AFF1: variants seen among roughly 807,000 people sequenced by gnomAD.
The protein encoded by AFF1 is AF4/FMR2 family member 1.
A neutral mutation model predicts 121.7 loss-of-function variants in AFF1; 48 were observed. The observed-to-expected ratio is 0.39, with a 90% CI of 0.31 to 0.50. AFF1 has a LOEUF of 0.50. Among genes scored for constraint, AFF1 ranks in the 20% least tolerant of loss-of-function variants. The pLI, the probability that AFF1 is intolerant of heterozygous loss-of-function variation, is 0.76. For synonymous variants in AFF1, 613 were observed against 563.0 expected (o/e 1.09, Z -1.26); for missense variants, 1,523 against 1,511.7 (o/e 1.01, Z -0.12).
At chr4:86,979,846 G>T (rs572407884) in intron 2 of AFF1, among the ~76,000 whole-genome samples, 40 of 152,332 alleles carry the variant, frequency 2.6e-4, no homozygotes, top group African/African-American at 8.4e-4. Context: ...TTGACAATAT[G>T]TAGCAAAATA....
chr4:87,001,207 CTTT>C (rs34072831), intron 2 of AFF1, among the ~76,000 whole-genome samples: 36 of 60,314 alleles, frequency 6.0e-4, no homozygotes, highest in African/African-American at 1.5e-3. Flanking sequence ...CCTTTTTCTA[CTTT>C]TTTTTTTTTT....
At chr4:87,012,830 A>G (rs1484907067) in intron 2 of AFF1, among the ~76,000 whole-genome samples, 1 of 152,138 alleles carries the variant, frequency 6.6e-6, no homozygotes, top group East Asian at 1.9e-4. Context: ...GTGTCTTGGC[A>G]GTGATCAGTG....
chr4:87,022,768 G>C (rs1470009327), intron 2 of AFF1, among the ~76,000 whole-genome samples: 1 of 150,050 alleles, frequency 6.7e-6, no homozygotes, highest in Non-Finnish European at 1.5e-5. Flanking sequence ...AATATCATGT[G>C]TGTGTATATA....
intron 2 of AFF1, among the ~76,000 whole-genome samples, chr4:86,992,281 G>C (rs1217521037): frequency 6.6e-6 from 1 of 152,168 alleles, no homozygotes; most frequent in East Asian, 1.9e-4. Context: ...AGCAAGGATG[G>C]TGACATTGTA....
At chr4:87,081,035 G>C (rs141602229) in intron 4 of AFF1, among the ~76,000 whole-genome samples, 3 of 152,068 alleles carry the variant, frequency 2.0e-5, no homozygotes, top group Admixed American at 6.6e-5. Flanking sequence ...CAAAATGTAG[G>C]TGAGCAGAAG....
intron 2 of AFF1, among the ~76,000 whole-genome samples, chr4:87,017,101 GTTT>G (rs66466780): frequency 0.23 from 24,430 of 106,550 alleles, 2,142 homozygotes; most frequent in East Asian, 0.3. Flanking sequence ...ATATATATGT[GTTT>G]TTTTTTTTTT....
chr4:87,017,644 A>G lies in AFF1; in HGVS notation c.39-28522A>G, dbSNP rs187520580. Among the ~76,000 whole-genome samples, 273 of 152,330 alleles carry G rather than the reference A, an allele frequency of 1.8e-3. 3 individuals are homozygous for G. Among genetic ancestry groups the G allele is most frequent in the African/African-American group, 5.4e-3 (226 of 41,574 alleles). ...AATGGCCCTATAAATTGTTATTTCA[A>G]TGTGCATTTTAAATAAAAGCGTTCG... On this transcript the variant is annotated intron_variant, in intron 2 of 20. Transcript: ENST00000395146.
intron 8 of AFF1, among the ~76,000 whole-genome samples, chr4:87,104,577 G>GT (rs1267994544): frequency 6.6e-6 from 1 of 152,166 alleles, no homozygotes; most frequent in Non-Finnish European, 1.5e-5. Context: ...AAACAGCCAA[G>GT]TTTCGTTCAT....
In AFF1 at chr4:87,116,052, A is replaced by T. The variant is rs1727087667; in HGVS notation, c.2466+753A>T. Reference sequence around the variant, plus strand: ...AAAAGAACGGCTCTATACAAATTTTACTCTCATAGTAGGATCTTTTATACC... The same window carrying T: ...AAAAGAACGGCTCTATACAAATTTTTCTCTCATAGTAGGATCTTTTATACC... On this transcript the variant is annotated intron_variant, in intron 12 of 20. Coordinates refer to ENST00000395146, the MANE Select transcript of AFF1 (RefSeq NM_001166693.3). 3.9e-5 allele frequency among the ~76,000 whole-genome samples: 6 copies of T among 152,198 alleles called. No individual in the cohort carries two copies. The South Asian group carries it at 1.2e-3, about 32-fold the overall frequency.
chr4:87,047,293 C>G lies in AFF1; in HGVS notation c.758C>G (p.Pro253Arg). 1 of 1,614,192 alleles carries G rather than the reference C, an allele frequency of 6.2e-7. No homozygotes were observed. Residue 253 changes from proline (P) to arginine (R), a missense_variant, in exon 4 of 21, where the codon CCC (proline) becomes CGC (arginine). By Grantham distance (103) the Pro-to-Arg change is moderately radical. Transcript: ENST00000395146. ...NSKGYCPAKS[P>R]KDLAVKVHDK... ...AAAGGCTATTGCCCAGCCAAATCTC[C>G]CAAGGACCTAGCAGTGAAAGTCCAT... is the stretch of plus-strand genomic sequence containing the variant.
chr4:87,042,627 T>C (rs1000635618), intron 2 of AFF1, among the ~76,000 whole-genome samples: 2 of 152,276 alleles, frequency 1.3e-5, no homozygotes, highest in Middle Eastern at 3.4e-3. Context: ...AAAAAGAAAA[T>C]TTGTCTCGAA....
intron 7 of AFF1, 50 bp from the exon 8 acceptor site, chr4:87,094,865 T>C: frequency 6.3e-7 from 1 of 1,576,274 alleles, no homozygotes; most frequent in Admixed American, 1.7e-5. Context: ...CAACTAAGGA[T>C]CTTGTAAATA....
chr4:87,126,380 T>C, intron 14 of AFF1, 44 bp downstream of exon 14: 2 of 1,566,500 alleles, frequency 1.3e-6, no homozygotes, highest in Non-Finnish European at 8.8e-7. Context: ...GATGCATTGC[T>C]GTACCTTTAC....
chr4:87,094,998 A>G, intron 8 of AFF1, 29 bp downstream of exon 8: 1 of 1,593,108 alleles, frequency 6.3e-7, no homozygotes, highest in Non-Finnish European at 8.6e-7. Flanking sequence ...GTGTATTAAA[A>G]TTTTGTAGTA....
At chr4:87,022,169 C>T (rs945622820) in intron 2 of AFF1, among the ~76,000 whole-genome samples, 2 of 136,772 alleles carry the variant, frequency 1.5e-5, no homozygotes, top group Admixed American at 1.7e-4. Context: ...CGTGCCACTG[C>T]ACTCTGGCCT....
intron 2 of AFF1, among the ~76,000 whole-genome samples, chr4:86,988,637 A>G (rs1724475715): frequency 6.6e-6 from 1 of 152,186 alleles, no homozygotes; most frequent in African/African-American, 2.4e-5. Flanking sequence ...TATAGATTCA[A>G]TGCTGTCCCC....
At chr4:87,023,311 G>A (rs952341667) in intron 2 of AFF1, among the ~76,000 whole-genome samples, 1 of 152,090 alleles carries the variant, frequency 6.6e-6, no homozygotes, top group African/African-American at 2.4e-5. Flanking sequence ...AAATTGACAA[G>A]GAAATGAATG....
chr4:87,099,684 C>T (rs1248812997), intron 8 of AFF1, among the ~76,000 whole-genome samples: 1 of 152,242 alleles, frequency 6.6e-6, no homozygotes, highest in African/African-American at 2.4e-5. Context: ...GCTTGGATTA[C>T]AGGCGTGAGC....
chr4:87,014,984 A>G (rs1727157482), intron 2 of AFF1, among the ~76,000 whole-genome samples: 1 of 152,212 alleles, frequency 6.6e-6, no homozygotes, highest in Non-Finnish European at 1.5e-5. Flanking sequence ...CCTATTTAGT[A>G]AGTTGGTAGC....
Sources: allele counts gnomAD v4.1 joint callset (sites outside exome capture counted in the v4.1 genomes callset), GRCh38; gene constraint gnomAD v4.1.1; transcripts MANE v1.5; gene names NCBI Gene and HGNC (gene_info 2026-07-23, HGNC 2026-07-21).